Variants in WDR19 observed in about 807,000 individuals in gnomAD.
The protein encoded by WDR19 is WD repeat-containing protein 19.
Under a neutral mutation model 180.0 loss-of-function variants are expected in WDR19, and 121 were observed. The observed-to-expected ratio is 0.67, with a 90% CI of 0.58 to 0.78. The LOEUF (loss-of-function observed/expected upper bound fraction) is 0.78, where lower values mean the gene tolerates loss of function less well. Ranked by LOEUF, WDR19 falls within the 30% of genes least tolerant of loss-of-function variation. WDR19 has a pLI of 0.00. For missense variants in WDR19, 1,450 were observed against 1,640.7 expected (o/e 0.88, Z 2.01); for synonymous variants, 497 against 540.7 (o/e 0.92, Z 1.12).
chr4:39,272,426 C>T (rs1735461081), intron 31 of WDR19, among the ~76,000 whole-genome samples: 1 of 152,186 alleles, frequency 6.6e-6, no homozygotes, highest in Admixed American at 6.5e-5. Context: ...CACTGCCCCA[C>T]CTTTTTGGCC....
At chr4:39,198,329 C>T (rs559787264) in intron 5 of WDR19, among the ~76,000 whole-genome samples, 3 of 151,896 alleles carry the variant, frequency 2.0e-5, no homozygotes, top group East Asian at 2.0e-4. Flanking sequence ...GAGGCCGAGG[C>T]GGGCGGATAA....
At chr4:39,232,792 C>G (rs1731011940) in intron 19 of WDR19, among the ~76,000 whole-genome samples, 1 of 152,066 alleles carries the variant, frequency 6.6e-6, no homozygotes, top group South Asian at 2.1e-4. Context: ...CACTATATGC[C>G]TTCCCCCTCC....
At chr4:39,280,917 A>G (rs1736433526) in intron 36 of WDR19, among the ~76,000 whole-genome samples, 1 of 152,134 alleles carries the variant, frequency 6.6e-6, no homozygotes, top group African/African-American at 2.4e-5. Context: ...TGAGATAGGG[A>G]TGCAGCTTCC....
intron 9 of WDR19, among the ~76,000 whole-genome samples, chr4:39,206,736 T>TA (rs1727993685): frequency 6.6e-6 from 1 of 152,182 alleles, no homozygotes; most frequent in African/African-American, 2.4e-5. Flanking sequence ...ACATAGATCA[T>TA]AGCCAAGGTC....
chr4:39,244,659 C>G, intron 23 of WDR19, 107 bp downstream of exon 23: 2 of 1,179,404 alleles, frequency 1.7e-6, no homozygotes, highest in East Asian at 4.8e-5. Context: ...CATTCTGTTC[C>G]CCTATCTAGA....
At chr4:39,183,292 C>T (rs1330972902) in intron 1 of WDR19, among the ~76,000 whole-genome samples, 1 of 119,676 alleles carries the variant, frequency 8.4e-6, no homozygotes, top group African/African-American at 3.3e-5. Context: ...CTCTGTTACC[C>T]AGGCTGGAGT....
intron 24 of WDR19, 97 bp from the exon 25 acceptor site, chr4:39,253,049 C>G: frequency 8.4e-7 from 1 of 1,193,488 alleles, no homozygotes; most frequent in Non-Finnish European, 1.1e-6. Context: ...TAAGCAGTCA[C>G]CATCAATAAA....
At position 39,194,654 on chromosome 4, in the gene WDR19, T is replaced by G; in HGVS notation, c.401T>G (p.Val134Gly). The G allele has an allele frequency of 1.2e-6, 2 of 1,603,160 alleles. No homozygotes were observed. The highest frequency in any genetic ancestry group is 2.2e-5 in the East Asian group (1 of 44,816). The part of the protein sequence containing the change: ...YNHQTSRKIP[V>G]LGKHTKRITC... ...CATCAGACATCTCGAAAGATTCCTG[T>G]CCTTGGTAGGTGATAGCTGGAAACA... The change falls in exon 5 of 37, where the codon GTC (valine) becomes GGC (glycine). Residue 134 changes from valine (V) to glycine (G), a missense_variant. Transcript: ENST00000399820.
At chr4:39,224,476 G>A (rs1315170807) in intron 14 of WDR19, among the ~76,000 whole-genome samples, 1 of 152,004 alleles carries the variant, frequency 6.6e-6, no homozygotes, top group Non-Finnish European at 1.5e-5. Flanking sequence ...TGCCTCCTGG[G>A]TTCAAGCAAT....
At chr4:39,281,236 T>TATATATAGAGAGAGAGAGAGAGAGAGAG (rs762298152) in intron 36 of WDR19, among the ~76,000 whole-genome samples, 1 of 104,040 alleles carries the variant, frequency 9.6e-6, no homozygotes, top group African/African-American at 5.2e-5. Flanking sequence ...TATATATATA[T>TATATATAGAGAGAGAGAGAGAGAGAGAG]AGAGAGAGAG....
At chr4:39,263,832 G>A (rs1347124571) in intron 28 of WDR19, among the ~76,000 whole-genome samples, 2 of 151,644 alleles carry the variant, frequency 1.3e-5, no homozygotes, top group Non-Finnish European at 2.9e-5. Flanking sequence ...GCTGAGGCAG[G>A]AGAATCACTT....
chr4:39,184,266 C>G (rs968229055), intron 1 of WDR19, among the ~76,000 whole-genome samples: 3 of 151,682 alleles, frequency 2.0e-5, no homozygotes, highest in African/African-American at 7.3e-5. Context: ...TAAAATTAGC[C>G]GGGCGTGGTA....
intron 9 of WDR19, among the ~76,000 whole-genome samples, chr4:39,208,302 GAT>G: frequency 1.7e-5 from 2 of 118,844 alleles, no homozygotes; most frequent in Middle Eastern, 0.011. Context: ...AGACTGAGTG[GAT>G]TTTTTTTTTT....
intron 19 of WDR19, among the ~76,000 whole-genome samples, chr4:39,233,572 T>C (rs970396172): frequency 1.3e-5 from 2 of 152,250 alleles, no homozygotes; most frequent in Non-Finnish European, 1.5e-5. Context: ...CTGGCATTTC[T>C]ACAACTATGT....
chr4:39,222,381 T>G (rs1242541680), intron 14 of WDR19, among the ~76,000 whole-genome samples: 2 of 152,212 alleles, frequency 1.3e-5, no homozygotes, highest in Non-Finnish European at 2.9e-5. Context: ...ATTCTCTTAA[T>G]AGTGTCTTTC....
intron 20 of WDR19, among the ~76,000 whole-genome samples, chr4:39,236,181 T>C (rs6839106): frequency 0.98 from 148,656 of 152,298 alleles, 72,645 homozygotes; most frequent in Middle Eastern, 1. Flanking sequence ...GATACCTGCA[T>C]TCGTATGTTT....
chr4:39,239,658 T>C (rs913746579), intron 20 of WDR19, among the ~76,000 whole-genome samples: 1 of 152,152 alleles, frequency 6.6e-6, no homozygotes, highest in Non-Finnish European at 1.5e-5. Context: ...CCTGCACGTG[T>C]ACCCCCGAAT....
At chr4:39,228,851 C>T (rs1384378305) in intron 17 of WDR19, among the ~76,000 whole-genome samples, 161 bp downstream of exon 17, 1 of 151,046 alleles carries the variant, frequency 6.6e-6, no homozygotes, top group Admixed American at 6.6e-5. Flanking sequence ...AGTTGTGCTA[C>T]ATGGATATAG....
intron 7 of WDR19, 115 bp from the exon 8 acceptor site, chr4:39,205,039 A>G: frequency 1.5e-6 from 1 of 676,948 alleles, no homozygotes; most frequent in Non-Finnish European, 2.5e-6. Flanking sequence ...CATTTAGCAC[A>G]TCTAAATTGG....
Sources: allele counts gnomAD v4.1 joint callset (sites outside exome capture counted in the v4.1 genomes callset), GRCh38; gene constraint gnomAD v4.1.1; transcripts MANE v1.5; gene names NCBI Gene and HGNC (gene_info 2026-07-23, HGNC 2026-07-21).